The following ZNF536 variants were observed in gnomAD, a reference collection of about 807,000 sequenced individuals.
ZNF536 encodes the protein zinc finger protein 536.
ZNF536 carries 13 observed loss-of-function variants against 84.5 expected under a neutral mutation model. The ratio of observed to expected loss-of-function variants is 0.15; its 90% CI spans 0.10 to 0.24. ZNF536 has a LOEUF of 0.24. ZNF536 is among the 10% of genes least tolerant of loss of function. ZNF536 has a pLI of 1.00. For synonymous variants in ZNF536, 811 were observed against 742.5 expected (o/e 1.09, Z -1.50); for missense variants, 1,536 against 1,747.5 (o/e 0.88, Z 2.16).
intron 1 of ZNF536, among the ~76,000 whole-genome samples, chr19:30,571,472 C>T (rs1275161049): frequency 2.0e-5 from 3 of 152,196 alleles, no homozygotes; most frequent in East Asian, 1.9e-4. Context: ...ATCATGCCCC[C>T]TTCATTGAAC....
In ZNF536 at chr19:30,300,107, C is replaced by T. The variant is rs145735223; in HGVS notation, c.-120+15966C>T. 3.3e-5 allele frequency among the ~76,000 whole-genome samples: 5 copies of T among 152,222 alleles called. No individual in the cohort carries two copies. The East Asian group carries it at 5.8e-4, about 18-fold the overall frequency. On this transcript the variant is annotated intron_variant, in intron 2 of 5. Transcript: ENST00000585628. Reference sequence around the variant, plus strand: ...GTTATTAATAGCTATTTGTTATGAGCGTGGGAGAGTTTTAGAAATTCATAT... The same window carrying T: ...GTTATTAATAGCTATTTGTTATGAGTGTGGGAGAGTTTTAGAAATTCATAT...
chr19:30,643,257 C>A (rs372767786), intron 1 of ZNF536, among the ~76,000 whole-genome samples: 1 of 152,122 alleles, frequency 6.6e-6, no homozygotes, highest in Non-Finnish European at 1.5e-5. Flanking sequence ...TGTCACTGAA[C>A]TTTGCAAGTT....
chr19:30,471,314 T>C (rs2053626326), intron 2 of ZNF536, among the ~76,000 whole-genome samples: 1 of 152,238 alleles, frequency 6.6e-6, no homozygotes, highest in Non-Finnish European at 1.5e-5. Flanking sequence ...AAGCCACAGC[T>C]GTTTTAAAGA....
At chr19:30,613,032 G>A (rs545109732) in intron 1 of ZNF536, among the ~76,000 whole-genome samples, 1 of 152,266 alleles carries the variant, frequency 6.6e-6, no homozygotes, top group Non-Finnish European at 1.5e-5. Context: ...GCTCAGTTTG[G>A]ATATTTGCCT....
intron 1 of ZNF536, among the ~76,000 whole-genome samples, chr19:30,617,957 A>G (rs2048362083): frequency 6.6e-6 from 1 of 152,228 alleles, no homozygotes; most frequent in Non-Finnish European, 1.5e-5. Flanking sequence ...ACGGACAACA[A>G]AAAGAGTGTT....
chr19:30,230,416 C>T (rs73021607), intron 1 of ZNF536, among the ~76,000 whole-genome samples: 1,735 of 152,308 alleles, frequency 0.011, 21 homozygotes, highest in Non-Finnish European at 0.02. Flanking sequence ...GACTAGAGCT[C>T]TGAAAGCCCA....
intron 1 of ZNF536, among the ~76,000 whole-genome samples, chr19:30,606,079 A>C (rs1023803456): frequency 6.6e-6 from 1 of 151,684 alleles, no homozygotes. Flanking sequence ...GCTTGAGCCT[A>C]GGAGTTCAAG....
At chr19:30,254,335 A>T (rs1343093198) in intron 1 of ZNF536, among the ~76,000 whole-genome samples, 1 of 152,160 alleles carries the variant, frequency 6.6e-6, no homozygotes, top group African/African-American at 2.4e-5. Context: ...GTACCACTCA[A>T]TTACAGAATT....
intron 1 of ZNF536, among the ~76,000 whole-genome samples, chr19:30,568,257 T>A (rs995636567): frequency 6.6e-6 from 1 of 152,178 alleles, no homozygotes. Context: ...AAACAGCTCC[T>A]GATATGTGAA....
intron 2 of ZNF536, among the ~76,000 whole-genome samples, chr19:30,323,699 G>T (rs1350911436): frequency 6.6e-6 from 1 of 152,136 alleles, no homozygotes. Flanking sequence ...CTCATGGTTG[G>T]GATGTCCAGA....
chr19:30,633,008 C>A (rs186655213), intron 1 of ZNF536, among the ~76,000 whole-genome samples: 44 of 152,298 alleles, frequency 2.9e-4, no homozygotes, highest in Admixed American at 2.7e-3. Flanking sequence ...GAGAGTTCTA[C>A]CAGCCAAGCC....
chr19:30,665,505 C>T (rs1204223110), intron 1 of ZNF536: 1 of 152,168 alleles, frequency 6.6e-6, no homozygotes, highest in African/African-American at 2.4e-5. Flanking sequence ...AGATCCATGG[C>T]CCTGTGGGCT....
chr19:30,678,161 G>T (rs1250784064), intron 1 of ZNF536, among the ~76,000 whole-genome samples: 1 of 152,218 alleles, frequency 6.6e-6, no homozygotes, highest in Non-Finnish European at 1.5e-5. Context: ...AGAGAAGCAA[G>T]GGGGTGCTGT....
chr19:30,247,319 T>G (rs901884315), intron 1 of ZNF536, among the ~76,000 whole-genome samples: 1 of 152,242 alleles, frequency 6.6e-6, no homozygotes, highest in Non-Finnish European at 1.5e-5. Context: ...ATGGGATCTG[T>G]TTCCCCGTCT....
intron 2 of ZNF536, among the ~76,000 whole-genome samples, chr19:30,487,752 G>A (rs958271098): frequency 3.3e-5 from 5 of 152,072 alleles, no homozygotes; most frequent in Non-Finnish European, 7.4e-5. Context: ...ACATTCCCTG[G>A]CATTCTATAG....
At chr19:30,648,960 A>G (rs1352709273) in intron 1 of ZNF536, among the ~76,000 whole-genome samples, 1 of 152,138 alleles carries the variant, frequency 6.6e-6, no homozygotes, top group Non-Finnish European at 1.5e-5. Context: ...GTTCTTCTTC[A>G]CTGTTTCTCC....
intron 1 of ZNF536, among the ~76,000 whole-genome samples, chr19:30,245,677 A>G (rs1249122650): frequency 6.6e-6 from 1 of 152,218 alleles, no homozygotes; most frequent in Non-Finnish European, 1.5e-5. Context: ...TATTGAAAAT[A>G]TATTAGCGTT....
At chr19:30,413,026 T>G (rs557824289) in intron 1 of ZNF536, among the ~76,000 whole-genome samples, 97 of 152,246 alleles carry the variant, frequency 6.4e-4, no homozygotes, top group Admixed American at 1.6e-3. Flanking sequence ...TGTTCTGTAT[T>G]TTATCATTAT....
At chr19:30,317,563 G>A (rs957876717) in intron 2 of ZNF536, among the ~76,000 whole-genome samples, 8 of 152,218 alleles carry the variant, frequency 5.3e-5, no homozygotes, top group African/African-American at 9.6e-5. Context: ...TCCAGAAGGC[G>A]TAGGCCATGT....
Sources: allele counts gnomAD v4.1 joint callset (sites outside exome capture counted in the v4.1 genomes callset), GRCh38; gene constraint gnomAD v4.1.1; transcripts MANE v1.5; gene names NCBI Gene and HGNC (gene_info 2026-07-23, HGNC 2026-07-21).